MRPS5: variants seen among roughly 807,000 people sequenced by gnomAD.
MRPS5 encodes the protein mitochondrial ribosomal protein S5.
Under a neutral mutation model 51.9 loss-of-function variants are expected in MRPS5, and 27 were observed. The observed-to-expected ratio is 0.52, with a 90% CI of 0.38 to 0.72. The LOEUF is 0.72. Ranked by LOEUF, MRPS5 falls within the 30% of genes least tolerant of loss-of-function variation. The probability of loss-of-function intolerance (pLI) is 0.00; values close to 1 mark genes in which losing one functional copy is unlikely to be tolerated. For missense variants in MRPS5, 570 were observed against 545.7 expected (o/e 1.04, Z -0.44); for synonymous variants, 196 against 193.2 (o/e 1.01, Z -0.12).
intron 10 of MRPS5, among the ~76,000 whole-genome samples, chr2:95,099,652 T>C (rs892906851): frequency 1.3e-5 from 2 of 152,182 alleles, no homozygotes; most frequent in African/African-American, 4.8e-5. Flanking sequence ...CAACACCTTT[T>C]CTAAAGACAA....
At chr2:95,106,061 C>T (rs1439913428) in intron 6 of MRPS5, among the ~76,000 whole-genome samples, 1 of 152,192 alleles carries the variant, frequency 6.6e-6, no homozygotes, top group Non-Finnish European at 1.5e-5. Flanking sequence ...CCAGGGCTCC[C>T]TGCAATCCCA....
intron 1 of MRPS5, among the ~76,000 whole-genome samples, chr2:95,119,063 C>A (rs1003940885): frequency 6.6e-6 from 1 of 152,106 alleles, no homozygotes; most frequent in Non-Finnish European, 1.5e-5. Context: ...AAAAGACACA[C>A]AGAATGGGAC....
intron 7 of MRPS5, among the ~76,000 whole-genome samples, chr2:95,102,610 C>A (rs1402060434): frequency 6.6e-6 from 1 of 152,136 alleles, no homozygotes; most frequent in Non-Finnish European, 1.5e-5. Context: ...TGCAGTAAGC[C>A]TTGATGGTGC....
chr2:95,101,394 A>T (rs1420549955), intron 8 of MRPS5, among the ~76,000 whole-genome samples: 1 of 152,146 alleles, frequency 6.6e-6, no homozygotes, highest in Non-Finnish European at 1.5e-5. Context: ...CAAAAAAAAA[A>T]AAAAAAAGTA....
chr2:95,096,839 G>C (rs1267233022), intron 10 of MRPS5, among the ~76,000 whole-genome samples: 3 of 152,030 alleles, frequency 2.0e-5, no homozygotes, highest in African/African-American at 7.3e-5. Flanking sequence ...TTCTGGCCAG[G>C]GCAACCACGC....
chr2:95,115,360 T>C (rs765866543), intron 2 of MRPS5, among the ~76,000 whole-genome samples, 157 bp from the exon 3 acceptor site: 6 of 152,196 alleles, frequency 3.9e-5, no homozygotes, highest in Admixed American at 1.3e-4. Flanking sequence ...AATAAAACTT[T>C]TGATCAATAA....
intron 4 of MRPS5, among the ~76,000 whole-genome samples, chr2:95,109,335 C>T (rs1314829702): frequency 6.6e-6 from 1 of 152,158 alleles, no homozygotes; most frequent in African/African-American, 2.4e-5. Context: ...CAGTACAAGA[C>T]GGGCTGATTG....
At chr2:95,101,995 A>T in intron 7 of MRPS5, 1 of 327,918 alleles carries the variant, frequency 3.0e-6, no homozygotes, top group East Asian at 6.1e-5. Flanking sequence ...CTCTATTAAG[A>T]ACAAAATTTA....
chr2:95,088,999 G>A (rs182579632), intron 11 of MRPS5, among the ~76,000 whole-genome samples: 9 of 152,220 alleles, frequency 5.9e-5, no homozygotes, highest in Non-Finnish European at 1.3e-4. Context: ...CCCGTGAGGC[G>A]GAGGTTGCAG....
Position 95,115,115 on chromosome 2 carries a change from G to A in MRPS5, c.228C>T (p.Pro76=), listed in dbSNP as rs1356922359. The change falls in exon 3 of 12, where the codon CCC becomes CCT. Residue 76 remains proline, a synonymous_variant. Transcript: ENST00000272418. Reference sequence around the variant, plus strand: ...TATACTGCTGGCTCATCAGGTGACTGGGAGAAGAAATACAGCATTGTGTCT... The same window carrying A: ...TATACTGCTGGCTCATCAGGTGACTAGGAGAAGAAATACAGCATTGTGTCT... ...ALQTQCCISS[P]SHLMSQQYRP... 1 of 1,612,298 alleles carries A rather than the reference G, an allele frequency of 6.2e-7. No homozygotes were observed. The highest frequency in any genetic ancestry group is 1.7e-5 in the Admixed American group (1 of 59,318).
intron 10 of MRPS5, chr2:95,093,557 C>T (rs1158887845): frequency 6.6e-6 from 1 of 152,290 alleles, no homozygotes; most frequent in Non-Finnish European, 1.5e-5. Context: ...ATTTGCTGCT[C>T]TGCAGCCTCT....
chr2:95,092,289 T>C (rs1442909811), intron 10 of MRPS5: 1 of 152,254 alleles, frequency 6.6e-6, no homozygotes, highest in Non-Finnish European at 1.5e-5. Flanking sequence ...GAAGTAGAAG[T>C]GTTCCATGGT....
chr2:95,101,786 C>T (rs1209870404), intron 7 of MRPS5, 63 bp from the exon 8 acceptor site: 1 of 1,160,152 alleles, frequency 8.6e-7, no homozygotes, highest in Non-Finnish European at 1.2e-6. Context: ...GTTTTTGCCA[C>T]ATTTCAAGTT....
At position 95,121,192 on chromosome 2, in the gene MRPS5, T is replaced by A. The variant is rs576140544; in HGVS notation, c.58+542A>T. The stretch of plus-strand genomic sequence containing the variant: ...GGACAAAACAATGTTCAAGTCAGAT[T>A]TTCTGCCAAATGACTTCAGGTCAAA... On this transcript the variant is annotated intron_variant, in intron 1 of 11. Transcript: ENST00000272418. Among the ~76,000 whole-genome samples the A allele has an allele frequency of 3.9e-5, 6 of 152,336 alleles. No homozygotes were observed. In the South Asian group the frequency reaches 1.2e-3, roughly 32 times the overall value.
At chr2:95,097,468 C>A (rs1160133833) in intron 10 of MRPS5, among the ~76,000 whole-genome samples, 2 of 152,170 alleles carry the variant, frequency 1.3e-5, no homozygotes, top group Non-Finnish European at 2.9e-5. Flanking sequence ...GCTACAGTAA[C>A]CAAAACAGCA....
chr2:95,118,524 G>A (rs1042076286), intron 1 of MRPS5, among the ~76,000 whole-genome samples: 3 of 152,168 alleles, frequency 2.0e-5, no homozygotes, highest in African/African-American at 4.8e-5. Context: ...CTGTGCTCTC[G>A]CATACTTCTG....
chr2:95,093,817 G>A (rs568569421), intron 10 of MRPS5: 4 of 152,178 alleles, frequency 2.6e-5, no homozygotes, highest in East Asian at 1.9e-4. Flanking sequence ...AAACCAGAGC[G>A]CCTCTTCTCC....
intron 5 of MRPS5, 142 bp from the exon 6 acceptor site, chr2:95,106,599 CCA>C (rs1389749684): frequency 1.4e-6 from 1 of 698,956 alleles, no homozygotes; most frequent in African/African-American, 1.7e-5. Flanking sequence ...AGGCCATGCC[CCA>C]GTCACCCCTC....
At chr2:95,090,603 C>T (rs551484396) in intron 10 of MRPS5, 81 bp from the exon 11 acceptor site, 1 of 1,556,292 alleles carries the variant, frequency 6.4e-7, no homozygotes, top group East Asian at 2.3e-5. Context: ...CGCATGGCTT[C>T]AGGCTCTGGG....
Sources: allele counts gnomAD v4.1 joint callset (sites outside exome capture counted in the v4.1 genomes callset), GRCh38; gene constraint gnomAD v4.1.1; transcripts MANE v1.5; gene names NCBI Gene and HGNC (gene_info 2026-07-23, HGNC 2026-07-21).